Variants in PMFBP1 observed in about 807,000 individuals in gnomAD.
PMFBP1 encodes polyamine modulated factor 1 binding protein 1.
Under a neutral mutation model 137.8 loss-of-function variants are expected in PMFBP1, and 131 were observed. The observed-to-expected ratio is 0.95, with a 90% CI of 0.82 to 1.10. The LOEUF (loss-of-function observed/expected upper bound fraction) is 1.10, where lower values mean the gene tolerates loss of function less well. Ranked by LOEUF, PMFBP1 falls within the 50% of genes least tolerant of loss-of-function variation. The probability of loss-of-function intolerance (pLI) is 0.00; values close to 1 mark genes in which losing one functional copy is unlikely to be tolerated. For missense variants in PMFBP1, 1,199 were observed against 1,175.4 expected (o/e 1.02, Z -0.29); for synonymous variants, 490 against 450.4 (o/e 1.09, Z -1.11).
chr16:72,210,470 CAA>C, the PMFBP1 span, among the ~76,000 whole-genome samples: 1 of 152,164 alleles, frequency 6.6e-6, no homozygotes, highest in Non-Finnish European at 1.5e-5. Flanking sequence ...AGAGCTACAT[CAA>C]AGCCCCAGGC....
intron 19 of PMFBP1, 115 bp from the exon 20 acceptor site, chr16:72,120,204 G>C: frequency 1.3e-6 from 2 of 1,517,030 alleles, no homozygotes; most frequent in Non-Finnish European, 1.8e-6. Flanking sequence ...GCCCAGGTCT[G>C]TTCAGAGCCG....
intron 2 of PMFBP1, among the ~76,000 whole-genome samples, chr16:72,169,717 A>AT (rs1197720691): frequency 1.3e-5 from 2 of 152,138 alleles, no homozygotes; most frequent in Non-Finnish European, 2.9e-5. Context: ...ATTAAAAAAG[A>AT]TATCTGAGAG....
the PMFBP1 span, among the ~76,000 whole-genome samples, chr16:72,245,673 C>T: frequency 6.6e-6 from 1 of 152,202 alleles, no homozygotes; most frequent in African/African-American, 2.4e-5. Context: ...CAAATTTTCT[C>T]CCAGCCTGCT....
chr16:72,210,089 C>A, the PMFBP1 span, among the ~76,000 whole-genome samples: 1 of 152,278 alleles, frequency 6.6e-6, no homozygotes, highest in East Asian at 1.9e-4. Context: ...TAGCCCCTTC[C>A]TTAAATTCCA....
At chr16:72,164,305 G>T in intron 3 of PMFBP1, 1 of 874,102 alleles carries the variant, frequency 1.1e-6, no homozygotes, top group Non-Finnish European at 1.6e-6. Flanking sequence ...CAGAAGAAAA[G>T]CTTGCAGGCA....
chr16:72,182,664 C>T, the PMFBP1 span, among the ~76,000 whole-genome samples: 2,856 of 152,272 alleles, frequency 0.019, 38 homozygotes, highest in Non-Finnish European at 0.025. Context: ...CAGAAATGTA[C>T]GATGAGAAGT....
chr16:72,157,037 A>G (rs2042991389), intron 3 of PMFBP1, among the ~76,000 whole-genome samples: 1 of 151,590 alleles, frequency 6.6e-6, no homozygotes, highest in Non-Finnish European at 1.5e-5. Context: ...AATAAAAAAA[A>G]AATTAGCCGG....
rs1567617280 is a variant in PMFBP1, at chr16:72,120,043, GCTT to G, written c.2812_2814del (p.Lys938del). On this transcript the variant is annotated inframe_deletion, in exon 20 of 21. Coordinates refer to ENST00000237353, the MANE Select transcript of PMFBP1 (RefSeq NM_031293.3). ...TTCTTCTCTTCTATCTCCTTCTTCA[GCTT>G]CTTGTTTTCCTGCTGCAAGTGGACC... The G allele has an allele frequency of 5.6e-6, 9 of 1,614,170 alleles. No individual in the cohort carries two copies. Among genetic ancestry groups the G allele is most frequent in the East Asian group, 2.2e-5 (1 of 44,878 alleles).
the PMFBP1 span, among the ~76,000 whole-genome samples, chr16:72,195,023 T>C: frequency 2.6e-5 from 4 of 152,204 alleles, no homozygotes; most frequent in Non-Finnish European, 4.4e-5. Context: ...AATATGTGAT[T>C]TGAGACAACT....
rs1327812822 is a variant in PMFBP1 at position 72,119,308 on chromosome 16, G to A, written c.*30C>T. 8 of 1,608,742 alleles carry A rather than the reference G, an allele frequency of 5.0e-6. No individual in the cohort carries two copies. In the Admixed American group the frequency reaches 8.3e-5, roughly 17 times the overall value. ...CACTGTCCTCTGAAGAAACACCCGTGGAAATGCTGCTCAGGGCTAGATGTG... is the reference window on the plus strand; with the variant it reads ...CACTGTCCTCTGAAGAAACACCCGTAGAAATGCTGCTCAGGGCTAGATGTG... On this transcript the variant is annotated 3_prime_UTR_variant, in exon 21 of 21. Transcript: ENST00000237353.
the PMFBP1 span, among the ~76,000 whole-genome samples, chr16:72,206,343 T>G: frequency 6.6e-6 from 1 of 152,188 alleles, no homozygotes; most frequent in African/African-American, 2.4e-5. Context: ...GACCTGCACC[T>G]CTTTACAACT....
chr16:72,213,350 G>T, the PMFBP1 span, among the ~76,000 whole-genome samples: 4 of 152,170 alleles, frequency 2.6e-5, no homozygotes, highest in African/African-American at 7.2e-5. Context: ...AAATGATAGG[G>T]TGTTCCTTCC....
At chr16:72,204,478 C>T in the PMFBP1 span, among the ~76,000 whole-genome samples, 2 of 152,168 alleles carry the variant, frequency 1.3e-5, no homozygotes, top group Non-Finnish European at 2.9e-5. Context: ...GCTGGGATTA[C>T]AGGCGTGAGC....
chr16:72,225,415 C>T, the PMFBP1 span, among the ~76,000 whole-genome samples: 1 of 152,094 alleles, frequency 6.6e-6, no homozygotes, highest in African/African-American at 2.4e-5. Context: ...ACTGGCCCGG[C>T]ACAGTGGCTT....
At chr16:72,180,274 C>T (rs1386895980), upstream of PMFBP1, among the ~76,000 whole-genome samples, 1 of 152,186 alleles carries the variant, frequency 6.6e-6, no homozygotes, top group East Asian at 1.9e-4. Context: ...TGGTATTAGT[C>T]TCCACAATCC....
At position 72,125,262 on chromosome 16, in the gene PMFBP1, G is replaced by A. The variant is rs1297535886; in HGVS notation, c.2397C>T (p.Gly799=). The A allele has an allele frequency of 6.2e-7, 1 of 1,613,906 alleles. No individual in the cohort carries two copies. Among genetic ancestry groups the A allele is most frequent in the Non-Finnish European group, 8.5e-7 (1 of 1,179,944 alleles). The change falls in exon 16 of 21, where the codon GGC becomes GGT. Residue 799 remains glycine (G), a synonymous_variant. Transcript: ENST00000237353. ...CCTCCAGCTCACTCTCCTGGTGGAA[G>A]CCCCGCAGTTTTCTTAATTCCGTAT... ...KLNTELRKLR[G]FHQESELEVH...
At position 72,119,226 on chromosome 16, in the gene PMFBP1, C is replaced by A. The variant is rs4788459; in HGVS notation, c.*112G>T. The A allele has an allele frequency of 4.9e-6, 6 of 1,232,464 alleles. No individual in the cohort carries two copies. The highest frequency in any genetic ancestry group is 4.7e-6 in the Non-Finnish European group (4 of 847,584). 76.3% of individuals were successfully genotyped at this position (1,232,464 alleles called of 1,614,324 possible). ...AGTGTCTTGCAAAATAGGCTGGGAC[C>A]GTGATATACTCCTGTAAGAGCTGAT... On this transcript the variant is annotated 3_prime_UTR_variant, in exon 21 of 21. Coordinates refer to ENST00000237353, the MANE Select transcript of PMFBP1 (RefSeq NM_031293.3).
At chr16:72,225,709 TATAATAATA>T in the PMFBP1 span, among the ~76,000 whole-genome samples, 41 of 109,610 alleles carry the variant, frequency 3.7e-4, no homozygotes, top group South Asian at 1.7e-3. Context: ...TGAGACTGTT[TATAATAATA>T]ATAATAATAA....
At chr16:72,176,398 T>C (rs2043259639), upstream of PMFBP1, among the ~76,000 whole-genome samples, 7 of 152,242 alleles carry the variant, frequency 4.6e-5, no homozygotes, top group Admixed American at 4.6e-4. Flanking sequence ...TAGTAACAGA[T>C]GCTCATTTTA....
Sources: gnomAD v4.1 joint callset for allele counts (sites outside exome capture counted in the v4.1 genomes callset) on GRCh38, gnomAD v4.1.1 for gene constraint, MANE v1.5 for transcripts, NCBI Gene and HGNC (gene_info 2026-07-23, HGNC 2026-07-21) for gene names.